The following CDH13 variants were observed in gnomAD, a reference collection of about 807,000 sequenced individuals.
CDH13 encodes the protein cadherin 13, also known as cadherin-13.
Under a neutral mutation model 63.8 loss-of-function variants are expected in CDH13, and 24 were observed. The ratio of observed to expected loss-of-function variants is 0.38; its 90% CI spans 0.27 to 0.53. The LOEUF is 0.53. Among genes scored for constraint, CDH13 ranks in the 20% least tolerant of loss-of-function variants. The pLI is 0.85. For synonymous variants in CDH13, 503 were observed against 355.3 expected (o/e 1.42, Z -4.67); for missense variants, 1,049 against 903.1 (o/e 1.16, Z -2.07).
At chr16:83,279,500 C>T (rs776873131) in intron 5 of CDH13, among the ~76,000 whole-genome samples, 2 of 152,168 alleles carry the variant, frequency 1.3e-5, no homozygotes, top group Non-Finnish European at 2.9e-5. Flanking sequence ...CTGCACATAT[C>T]TGCCGCATTC....
intron 6 of CDH13, among the ~76,000 whole-genome samples, chr16:83,465,961 G>A (rs940886906): frequency 1.3e-5 from 2 of 152,222 alleles, no homozygotes; most frequent in African/African-American, 4.8e-5. Flanking sequence ...GCGATCTGAT[G>A]TTTTCCTTCC....
chr16:82,806,238 T>A (rs2037134183), intron 1 of CDH13, among the ~76,000 whole-genome samples: 1 of 152,186 alleles, frequency 6.6e-6, no homozygotes. Context: ...TGTCCCTTCA[T>A]AATAAACCAT....
At chr16:83,251,510 C>T (rs972871384) in intron 5 of CDH13, among the ~76,000 whole-genome samples, 5 of 152,174 alleles carry the variant, frequency 3.3e-5, no homozygotes, top group African/African-American at 1.2e-4. Context: ...TTCCCAACCT[C>T]AGCCCTATGG....
intron 6 of CDH13, among the ~76,000 whole-genome samples, chr16:83,466,879 T>A (rs538374988): frequency 2.4e-4 from 37 of 152,300 alleles, no homozygotes; most frequent in African/African-American, 7.2e-4. Flanking sequence ...AAAAGAAGAT[T>A]AAGTCTTCCA....
intron 2 of CDH13, among the ~76,000 whole-genome samples, chr16:82,909,391 A>G (rs537694093): frequency 1.3e-5 from 2 of 152,236 alleles, no homozygotes; most frequent in South Asian, 4.2e-4. Context: ...GAATACTACT[A>G]TATGAATTTT....
intron 6 of CDH13, among the ~76,000 whole-genome samples, chr16:83,370,516 A>G (rs1398905445): frequency 6.6e-6 from 1 of 151,912 alleles, no homozygotes; most frequent in Non-Finnish European, 1.5e-5. Context: ...TTTGTTATAC[A>G]GGGAAATTGT....
intron 7 of CDH13, among the ~76,000 whole-genome samples, chr16:83,490,156 A>C (rs1027118520): frequency 6.6e-6 from 1 of 152,188 alleles, no homozygotes; most frequent in African/African-American, 2.4e-5. Flanking sequence ...GACACGAGCT[A>C]AGTTGACACA....
At chr16:83,178,179 A>G (rs2038204315) in intron 4 of CDH13, among the ~76,000 whole-genome samples, 1 of 152,118 alleles carries the variant, frequency 6.6e-6, no homozygotes, top group Non-Finnish European at 1.5e-5. Context: ...TCAGCCTCAG[A>G]ACTATAGACA....
At position 82,849,335 on chromosome 16, in the gene CDH13, C is replaced by G. The variant is rs150410855; in HGVS notation, c.46-9027C>G. 4.7e-3 allele frequency among the ~76,000 whole-genome samples: 716 copies of G among 152,172 alleles called. 7 individuals are homozygous for G. Among genetic ancestry groups the G allele is most frequent in the Middle Eastern group, 0.02 (6 of 294 alleles). ...TGGTCAACATGGTGAAGCCCTGTCT[C>G]TACTAAAACTACAAAAATTAGCTGG... On this transcript the variant is annotated intron_variant, in intron 1 of 13. Transcript: ENST00000567109.
At chr16:83,263,336 T>C (rs971164153) in intron 5 of CDH13, among the ~76,000 whole-genome samples, 2 of 152,234 alleles carry the variant, frequency 1.3e-5, no homozygotes, top group Admixed American at 1.3e-4. Context: ...TCAGTGAATA[T>C]ATAACAGCGA....
intron 5 of CDH13, among the ~76,000 whole-genome samples, chr16:83,270,310 A>G (rs113210978): frequency 0.02 from 3,013 of 152,246 alleles, 36 homozygotes; most frequent in Non-Finnish European, 0.033. Flanking sequence ...AAACAGCTCT[A>G]TATGGAGAAG....
intron 6 of CDH13, among the ~76,000 whole-genome samples, chr16:83,463,163 G>A (rs1470072097): frequency 1.3e-5 from 2 of 152,202 alleles, no homozygotes; most frequent in African/African-American, 4.8e-5. Flanking sequence ...ACAACCTGGG[G>A]CAGGGGCATT....
At chr16:82,674,725 G>C (rs1913697246) in intron 1 of CDH13, among the ~76,000 whole-genome samples, 1 of 152,184 alleles carries the variant, frequency 6.6e-6, no homozygotes, top group African/African-American at 2.4e-5. Context: ...TTACTTTGTG[G>C]ATGTTTGAGG....
chr16:83,440,241 C>T (rs188568726), intron 6 of CDH13, among the ~76,000 whole-genome samples: 4 of 152,266 alleles, frequency 2.6e-5, no homozygotes, highest in East Asian at 3.9e-4. Flanking sequence ...GCTTAGGACA[C>T]GGAAAGGAGT....
intron 2 of CDH13, among the ~76,000 whole-genome samples, chr16:83,004,937 G>A (rs1913326975): frequency 6.6e-6 from 1 of 152,156 alleles, no homozygotes; most frequent in Non-Finnish European, 1.5e-5. Flanking sequence ...CCTACCTCCT[G>A]CACCATAGCC....
chr16:82,785,074 A>C (rs1479942893), intron 1 of CDH13, among the ~76,000 whole-genome samples: 1 of 152,136 alleles, frequency 6.6e-6, no homozygotes, highest in Non-Finnish European at 1.5e-5. Flanking sequence ...GCTTGTCAAA[A>C]ATCTGCTCTG....
rs1218947929 is a variant in CDH13, at chr16:83,799,514, T to C, written c.*4484T>C. 6.6e-6 allele frequency: 1 copy of C among 152,134 alleles called. No individual in the cohort carries two copies. Among genetic ancestry groups the C allele is most frequent in the African/African-American group, 2.4e-5 (1 of 41,428 alleles). 9.4% of individuals were successfully genotyped at this position (152,134 alleles called of 1,614,324 possible). On this transcript the variant is annotated 3_prime_UTR_variant, in exon 14 of 14. Coordinates refer to ENST00000567109, the MANE Select transcript of CDH13 (RefSeq NM_001257.5). ...ATTTTGTAAAGGTAGCCCATAAATCTGTTTACGTGTAGCTGCCTTAAACAT... is the reference window on the plus strand; with the variant it reads ...ATTTTGTAAAGGTAGCCCATAAATCCGTTTACGTGTAGCTGCCTTAAACAT...
intron 2 of CDH13, among the ~76,000 whole-genome samples, chr16:83,017,604 A>T (rs772708433): frequency 3.3e-5 from 5 of 152,218 alleles, no homozygotes; most frequent in Non-Finnish European, 7.3e-5. Context: ...AATGTTTATC[A>T]AGTATTTAGT....
At chr16:83,304,321 T>C (rs1180327928) in intron 5 of CDH13, among the ~76,000 whole-genome samples, 1 of 152,100 alleles carries the variant, frequency 6.6e-6, no homozygotes, top group Admixed American at 6.5e-5. Flanking sequence ...TGAGGCAAGA[T>C]TGGAATCTTG....
Sources: allele counts gnomAD v4.1 joint callset (sites outside exome capture counted in the v4.1 genomes callset), GRCh38; gene constraint gnomAD v4.1.1; transcripts MANE v1.5; gene names NCBI Gene and HGNC (gene_info 2026-07-23, HGNC 2026-07-21).